TMTC1: variants seen among roughly 807,000 people sequenced by gnomAD.
TMTC1 encodes protein O-mannosyl-transferase TMTC1.
TMTC1 carries 73 observed loss-of-function variants against 104.8 expected under a neutral mutation model. The ratio of observed to expected loss-of-function variants is 0.70; its 90% CI spans 0.58 to 0.85. The LOEUF (loss-of-function observed/expected upper bound fraction) is 0.85. Ranked by LOEUF, TMTC1 falls within the 40% of genes least tolerant of loss-of-function variation. The pLI is 0.00. For synonymous variants in TMTC1, 434 were observed against 428.7 expected (o/e 1.01, Z -0.15); for missense variants, 1,035 against 1,096.1 (o/e 0.94, Z 0.79).
intron 5 of TMTC1, among the ~76,000 whole-genome samples, chr12:29,643,148 T>C (rs1289105387): frequency 6.6e-6 from 1 of 151,852 alleles, no homozygotes; most frequent in African/African-American, 2.4e-5. Context: ...AAACAGTATA[T>C]GTTGGCATGG....
chr12:29,554,089 T>G (rs16934448), intron 10 of TMTC1, among the ~76,000 whole-genome samples: 19,264 of 152,198 alleles, frequency 0.13, 1,505 homozygotes, highest in African/African-American at 0.22. Context: ...GTACGTTATT[T>G]GGGCTCTTAA....
intron 7 of TMTC1, among the ~76,000 whole-genome samples, chr12:29,597,765 T>C (rs1946450261): frequency 6.6e-6 from 1 of 152,096 alleles, no homozygotes; most frequent in Non-Finnish European, 1.5e-5. Flanking sequence ...AGAGGGGTTA[T>C]AAAAATGTTC....
intron 5 of TMTC1, among the ~76,000 whole-genome samples, chr12:29,680,430 G>C (rs1591916147): frequency 6.6e-6 from 1 of 152,108 alleles, no homozygotes; most frequent in African/African-American, 2.4e-5. Context: ...GGCTGGGTGT[G>C]GTGGCTCAGA....
chr12:29,588,194 T>C (rs1272003785), intron 7 of TMTC1, among the ~76,000 whole-genome samples: 1 of 152,190 alleles, frequency 6.6e-6, no homozygotes, highest in African/African-American at 2.4e-5. Flanking sequence ...AGCACTGGAT[T>C]TGATTGCCAC....
At chr12:29,617,249 G>C (rs1214370533) in intron 6 of TMTC1, among the ~76,000 whole-genome samples, 2 of 151,980 alleles carry the variant, frequency 1.3e-5, no homozygotes, top group South Asian at 4.2e-4. Flanking sequence ...GGCAGATGAC[G>C]AAGGGAACCA....
chr12:29,539,757 C>T (rs1158405540), intron 10 of TMTC1, among the ~76,000 whole-genome samples: 1 of 152,216 alleles, frequency 6.6e-6, no homozygotes, highest in East Asian at 1.9e-4. Flanking sequence ...ATGACAATCA[C>T]CCAGATTTGA....
At chr12:29,738,088 C>T (rs765702611) in intron 5 of TMTC1, among the ~76,000 whole-genome samples, 9 of 152,126 alleles carry the variant, frequency 5.9e-5, no homozygotes, top group Non-Finnish European at 8.8e-5. Context: ...TTGTACTGGG[C>T]CCCATGCTAG....
rs1943662272 is a variant in TMTC1, at chr12:29,504,729, A to G, written c.*2117T>C. The stretch of plus-strand genomic sequence containing the variant: ...ATCACCATTTCTGTTATTCCAACAA[A>G]TGTACTCTCCTACCTTTATTAGCAC... On this transcript the variant is annotated 3_prime_UTR_variant, in exon 18 of 18. Coordinates refer to ENST00000539277, the MANE Select transcript of TMTC1 (RefSeq NM_001193451.2). 1 of 152,184 alleles carries G rather than the reference A, an allele frequency of 6.6e-6. No individual in the cohort carries two copies. 9.4% of individuals were successfully genotyped at this position (152,184 alleles called of 1,614,324 possible). A position where few individuals can be genotyped will look rare whatever the true frequency, so the allele number is the denominator to read the frequency against.
chr12:29,606,891 C>T (rs930145150), intron 6 of TMTC1, among the ~76,000 whole-genome samples: 1 of 151,956 alleles, frequency 6.6e-6, no homozygotes, highest in Non-Finnish European at 1.5e-5. Context: ...CTGAATCTGG[C>T]TCTGTCACCC....
intron 5 of TMTC1, among the ~76,000 whole-genome samples, chr12:29,697,223 C>A (rs1001218425): frequency 6.6e-6 from 1 of 152,202 alleles, no homozygotes; most frequent in Admixed American, 6.5e-5. Flanking sequence ...TACATACTAG[C>A]TGAATTTCAC....
At chr12:29,633,091 A>T in intron 6 of TMTC1, 56 bp downstream of exon 6, 1 of 1,493,524 alleles carries the variant, frequency 6.7e-7, no homozygotes, top group Non-Finnish European at 9.2e-7. Flanking sequence ...AGAACATTAT[A>T]GGCATAGAAT....
intron 10 of TMTC1, among the ~76,000 whole-genome samples, chr12:29,555,942 C>G (rs1189947034): frequency 6.6e-6 from 1 of 152,056 alleles, no homozygotes; most frequent in Non-Finnish European, 1.5e-5. Context: ...CTCCCACCAA[C>G]AGCAACCATG....
intron 10 of TMTC1, among the ~76,000 whole-genome samples, chr12:29,555,941 A>G (rs1264351702): frequency 6.6e-6 from 1 of 151,792 alleles, no homozygotes; most frequent in African/African-American, 2.4e-5. Flanking sequence ...ACTCCCACCA[A>G]CAGCAACCAT....
At chr12:29,755,932 C>G (rs1429338069) in intron 3 of TMTC1, 47 bp from the exon 4 acceptor site, 2 of 1,583,926 alleles carry the variant, frequency 1.3e-6, no homozygotes, top group Non-Finnish European at 1.7e-6. Flanking sequence ...AGAATATGGT[C>G]TGCTAAGAAA....
chr12:29,758,117 G>C (rs1277886841), intron 3 of TMTC1, among the ~76,000 whole-genome samples: 1 of 152,160 alleles, frequency 6.6e-6, no homozygotes, highest in African/African-American at 2.4e-5. Context: ...ACATGACTCA[G>C]ATGAGAATCT....
chr12:29,666,228 C>CTTTTTTTTTTTT, intron 5 of TMTC1: 4 of 365,794 alleles, frequency 1.1e-5, no homozygotes, highest in South Asian at 4.0e-5. Context: ...TTTCTTTTTT[C>CTTTTTTTTTTTT]TTTTTTTTTT....
chr12:29,550,993 G>A (rs1945087366), intron 10 of TMTC1, among the ~76,000 whole-genome samples: 2 of 140,178 alleles, frequency 1.4e-5, no homozygotes, highest in South Asian at 4.5e-4. Flanking sequence ...CAGAGCTAGA[G>A]AGAAACAAAC....
intron 5 of TMTC1, among the ~76,000 whole-genome samples, chr12:29,712,612 A>G (rs1941959523): frequency 6.6e-6 from 1 of 152,378 alleles, no homozygotes; most frequent in African/African-American, 2.4e-5. Flanking sequence ...ATCTCTTTAA[A>G]TATCTGGCTT....
chr12:29,534,740 T>C (rs1944596247), intron 11 of TMTC1: 1 of 152,192 alleles, frequency 6.6e-6, no homozygotes, highest in Admixed American at 6.5e-5. Context: ...TTGATCATTT[T>C]TAAAATGAGC....
Sources: allele counts gnomAD v4.1 joint callset (sites outside exome capture counted in the v4.1 genomes callset), GRCh38; gene constraint gnomAD v4.1.1; transcripts MANE v1.5; gene names NCBI Gene and HGNC (gene_info 2026-07-23, HGNC 2026-07-21).